The following FAT3 variants were observed in gnomAD, a reference collection of about 807,000 sequenced individuals.
FAT3 encodes FAT atypical cadherin 3.
Under a neutral mutation model 310.2 loss-of-function variants are expected in FAT3, and 95 were observed. The observed-to-expected ratio is 0.31, with a 90% CI of 0.26 to 0.36. FAT3 has a LOEUF of 0.36. Among genes scored for constraint, FAT3 ranks in the 10% least tolerant of loss-of-function variants. The pLI is 1.00. For synonymous variants in FAT3, 2,314 were observed against 2,192.9 expected (o/e 1.06, Z -1.54); for missense variants, 5,408 against 5,715.6 (o/e 0.95, Z 1.74).
At chr11:92,587,828 A>T (rs964182118) in intron 3 of FAT3, among the ~76,000 whole-genome samples, 1 of 151,948 alleles carries the variant, frequency 6.6e-6, no homozygotes, top group African/African-American at 2.4e-5. Flanking sequence ...TTTTTGAGGG[A>T]CAGGACAAAA....
intron 2 of FAT3, among the ~76,000 whole-genome samples, chr11:92,367,553 C>G (rs1274155893): frequency 1.3e-5 from 2 of 152,142 alleles, no homozygotes; most frequent in Non-Finnish European, 1.5e-5. Context: ...TTCACTTAAG[C>G]CTGGGAAATT....
At chr11:92,813,062 C>T (rs183191327) in intron 13 of FAT3, among the ~76,000 whole-genome samples, 1 of 152,256 alleles carries the variant, frequency 6.6e-6, no homozygotes, top group East Asian at 1.9e-4. Flanking sequence ...GATGTGTTTG[C>T]TTCCCTTTGA....
rs1435936082 is a variant in FAT3 at position 92,254,413 on chromosome 11, AT to A, written c.-18+29243del. On this transcript the variant is annotated intron_variant, in intron 1 of 27. Coordinates refer to ENST00000525166, the MANE Select transcript of FAT3 (RefSeq NM_001367949.2). The stretch of plus-strand genomic sequence containing the variant: ...AGCTGTATTAATGCATTTTAGAAAG[AT>A]TTTAAGGGGCAATGTGCGTAAAGAA... Among the ~76,000 whole-genome samples, 3 of 152,154 alleles carry A rather than the reference AT, an allele frequency of 2.0e-5. No homozygotes were observed. The East Asian group carries it at 5.8e-4, about 29-fold the overall frequency.
chr11:92,794,708 A>C lies in FAT3; in HGVS notation c.4822+1731A>C, dbSNP rs1947125551. On this transcript the variant is annotated intron_variant, in intron 9 of 27. Transcript: ENST00000525166. ...AACATCTTTCATAAAGAAAACCCAA[A>C]CTTCCAGAAAACCATGGGAACAATT... Among the ~76,000 whole-genome samples the C allele has an allele frequency of 3.3e-5, 5 of 151,892 alleles. No homozygotes were observed. The South Asian group carries it at 1.0e-3, about 31-fold the overall frequency.
chr11:92,412,740 T>TATATATATATAA (rs1555038611), intron 2 of FAT3, among the ~76,000 whole-genome samples: 3 of 76,344 alleles, frequency 3.9e-5, no homozygotes, highest in African/African-American at 2.8e-4. Flanking sequence ...TATATATATA[T>TATATATATATAA]ATATAAATAT....
chr11:92,443,833 A>T (rs1160495689), intron 2 of FAT3, among the ~76,000 whole-genome samples: 3 of 152,130 alleles, frequency 2.0e-5, no homozygotes, highest in African/African-American at 7.2e-5. Context: ...AGAAGAAGAT[A>T]AATAAGAAGA....
At chr11:92,839,459 C>T (rs190645933) in intron 17 of FAT3, among the ~76,000 whole-genome samples, 25 of 152,338 alleles carry the variant, frequency 1.6e-4, no homozygotes, top group Admixed American at 3.3e-4. Context: ...ACCAAAAGGA[C>T]ACTTGTGAAA....
At chr11:92,882,080 A>G (rs1022589143) in intron 23 of FAT3, among the ~76,000 whole-genome samples, 1 of 152,212 alleles carries the variant, frequency 6.6e-6, no homozygotes, top group Non-Finnish European at 1.5e-5. Context: ...TTTGTCTGCA[A>G]TTCTACAATC....
intron 6 of FAT3, among the ~76,000 whole-genome samples, chr11:92,773,595 C>T (rs1946516282): frequency 6.6e-6 from 1 of 152,016 alleles, no homozygotes; most frequent in Non-Finnish European, 1.5e-5. Flanking sequence ...CAAATGTTTA[C>T]CATCAATCCT....
intron 2 of FAT3, among the ~76,000 whole-genome samples, chr11:92,390,395 T>C (rs1949722395): frequency 6.6e-6 from 1 of 152,128 alleles, no homozygotes; most frequent in Non-Finnish European, 1.5e-5. Flanking sequence ...GCACTAGCCA[T>C]GACCATCTCA....
chr11:92,735,557 C>CACAG lies in FAT3; in HGVS notation c.3670-26298_3670-26297insCAGA, dbSNP rs1945317037. ...ATGACTAGAAGGATGGATGGATGAG[C>CACAG]ATAGATAGATAGATAGATAGATAGA... On this transcript the variant is annotated intron_variant, in intron 4 of 27. Coordinates refer to ENST00000525166, the MANE Select transcript of FAT3 (RefSeq NM_001367949.2). Among the ~76,000 whole-genome samples, 4 of 148,852 alleles carry CACAG rather than the reference C, an allele frequency of 2.7e-5. No individual in the cohort carries two copies. In the South Asian group the frequency reaches 8.6e-4, roughly 32 times the overall value.
chr11:92,756,037 T>G (rs1945981526), intron 4 of FAT3, among the ~76,000 whole-genome samples: 1 of 152,250 alleles, frequency 6.6e-6, no homozygotes, highest in Non-Finnish European at 1.5e-5. Flanking sequence ...TCATTCTCTG[T>G]GGAGCTCAGG....
In FAT3 at chr11:92,352,748, C is replaced by T. The variant is rs1183489420; in HGVS notation, c.636C>T (p.Val212=). 3.1e-6 allele frequency: 5 copies of T among 1,613,824 alleles called. No individual in the cohort carries two copies. Among genetic ancestry groups the T allele is most frequent in the Non-Finnish European group, 3.4e-6 (4 of 1,179,876 alleles). ...TTTCAGTTCACCCCACGAGTGGTGT[C>T]ATCTCCTTAAGTGGTCGATTAAATT... ...DLFSVHPTSG[V]ISLSGRLNYD... Residue 212 remains valine, a synonymous_variant, in exon 2 of 28, where the codon GTC becomes GTT. Transcript: ENST00000525166.
chr11:92,622,472 A>G (rs556017323), intron 3 of FAT3, among the ~76,000 whole-genome samples: 2 of 152,328 alleles, frequency 1.3e-5, no homozygotes, highest in South Asian at 2.1e-4. Flanking sequence ...ACAAGCAAAT[A>G]GAGAGACAGA....
intron 2 of FAT3, among the ~76,000 whole-genome samples, chr11:92,437,467 G>A (rs1950964447): frequency 1.3e-5 from 2 of 152,094 alleles, no homozygotes; most frequent in Non-Finnish European, 2.9e-5. Flanking sequence ...TATTAAAGGG[G>A]GAAATTATCT....
intron 2 of FAT3, among the ~76,000 whole-genome samples, chr11:92,452,698 G>A (rs191629208): frequency 1.3e-5 from 2 of 152,272 alleles, no homozygotes; most frequent in East Asian, 1.9e-4. Flanking sequence ...TAAAAGGTGA[G>A]TGGGAGAGTG....
At chr11:92,759,083 G>A (rs1946078151) in intron 4 of FAT3, among the ~76,000 whole-genome samples, 2 of 152,156 alleles carry the variant, frequency 1.3e-5, no homozygotes, top group African/African-American at 2.4e-5. Context: ...CAGCATGTAG[G>A]TAGTAGATGA....
chr11:92,749,925 C>T (rs1040438164), intron 4 of FAT3, among the ~76,000 whole-genome samples: 2 of 152,080 alleles, frequency 1.3e-5, no homozygotes, highest in Middle Eastern at 3.2e-3. Context: ...TATCACAGGG[C>T]GTCCTAACAT....
rs370497984 is a variant in FAT3, at chr11:92,890,870, T to G, written c.13527T>G (p.Pro4509=). The G allele has an allele frequency of 3.6e-5, 58 of 1,614,020 alleles. No homozygotes were observed. In the African/African-American group the frequency reaches 7.6e-4, roughly 21 times the overall value. ...ACGAAACGGATTTGGTGGGCCCGCCTGCCAGCTGTGAATTTAGTACTTTTG... is the reference window on the plus strand; with the variant it reads ...ACGAAACGGATTTGGTGGGCCCGCCGGCCAGCTGTGAATTTAGTACTTTTG... The part of the protein sequence containing the change: ...FPNETDLVGP[P]ASCEFSTFAV... Residue 4509 remains proline (P), a synonymous_variant, in exon 28 of 28, where the codon CCT becomes CCG. Transcript: ENST00000525166.
Sources: gnomAD v4.1 joint callset for allele counts (sites outside exome capture counted in the v4.1 genomes callset) on GRCh38, gnomAD v4.1.1 for gene constraint, MANE v1.5 for transcripts, NCBI Gene and HGNC (gene_info 2026-07-23, HGNC 2026-07-21) for gene names.